The following PIBF1 variants were observed in gnomAD, a reference collection of about 807,000 sequenced individuals.
The protein encoded by PIBF1 is progesterone-induced-blocking factor 1.
A neutral mutation model predicts 112.5 loss-of-function variants in PIBF1; 90 were observed. The observed-to-expected ratio is 0.80, with a 90% confidence interval of 0.67 to 0.95. The LOEUF (loss-of-function observed/expected upper bound fraction) is 0.95. Among genes scored for constraint, PIBF1 ranks in the 40% least tolerant of loss-of-function variants. The pLI, the probability that PIBF1 is intolerant of heterozygous loss-of-function variation, is 0.00. For synonymous variants in PIBF1, 301 were observed against 288.6 expected (o/e 1.04, Z -0.44); for missense variants, 915 against 852.3 (o/e 1.07, Z -0.92).
chr13:72,919,964 ACT>A (rs907783979), intron 13 of PIBF1, among the ~76,000 whole-genome samples: 3 of 152,040 alleles, frequency 2.0e-5, no homozygotes, highest in African/African-American at 4.8e-5. Flanking sequence ...ACAGAGTAAG[ACT>A]CTGTCTCCAA....
chr13:72,788,871 C>T (rs996605088), intron 2 of PIBF1, among the ~76,000 whole-genome samples: 2 of 152,162 alleles, frequency 1.3e-5, no homozygotes, highest in Admixed American at 1.3e-4. Flanking sequence ...TGTCCCACTC[C>T]ATTGTGGCAC....
At chr13:72,846,216 C>G (rs1266321266) in intron 9 of PIBF1, among the ~76,000 whole-genome samples, 2 of 152,156 alleles carry the variant, frequency 1.3e-5, no homozygotes, top group African/African-American at 4.8e-5. Context: ...CACCTTCAGT[C>G]TTACCCAGTT....
intron 15 of PIBF1, chr13:72,970,544 G>T (rs531741625): frequency 6.6e-6 from 1 of 152,060 alleles, no homozygotes; most frequent in Admixed American, 6.6e-5. Context: ...GAATGTTTTC[G>T]TATTGCAGGT....
intron 10 of PIBF1, among the ~76,000 whole-genome samples, chr13:72,867,045 G>T (rs867843787): frequency 3.3e-5 from 5 of 152,084 alleles, no homozygotes; most frequent in African/African-American, 1.2e-4. Context: ...ATATGGTTTG[G>T]GTCTGTGTCC....
intron 6 of PIBF1, among the ~76,000 whole-genome samples, chr13:72,824,776 A>C (rs1488141050): frequency 6.6e-6 from 1 of 152,234 alleles, no homozygotes; most frequent in Non-Finnish European, 1.5e-5. Context: ...ATACCTTTAT[A>C]GTTAAACTCT....
intron 10 of PIBF1, among the ~76,000 whole-genome samples, chr13:72,883,700 C>T (rs368341527): frequency 3.9e-5 from 6 of 152,172 alleles, no homozygotes; most frequent in African/African-American, 1.2e-4. Flanking sequence ...TTTGACCAGG[C>T]TGGCCTCAAA....
At chr13:73,007,828 G>A in intron 17 of PIBF1, among the ~76,000 whole-genome samples, 1 of 143,572 alleles carries the variant, frequency 7.0e-6, no homozygotes, top group Non-Finnish European at 1.5e-5. Context: ...AAAAAAAAAT[G>A]TCAAAACCAT....
chr13:72,872,972 A>G (rs2039228939), intron 10 of PIBF1, among the ~76,000 whole-genome samples: 1 of 152,204 alleles, frequency 6.6e-6, no homozygotes, highest in African/African-American at 2.4e-5. Flanking sequence ...GTAAGATATC[A>G]TGTTCATAGA....
intron 16 of PIBF1, among the ~76,000 whole-genome samples, chr13:72,992,283 A>G (rs891945343): frequency 1.2e-4 from 18 of 152,374 alleles, no homozygotes; most frequent in African/African-American, 4.1e-4. Context: ...TTTTACAATG[A>G]ACAAATAATA....
chr13:72,999,764 T>G (rs1033573765), intron 17 of PIBF1, among the ~76,000 whole-genome samples: 3 of 152,140 alleles, frequency 2.0e-5, no homozygotes, highest in Non-Finnish European at 4.4e-5. Context: ...AAAGTTGCAG[T>G]TTAGATCAAA....
At chr13:72,857,388 A>G (rs1317391786) in intron 10 of PIBF1, among the ~76,000 whole-genome samples, 1 of 152,260 alleles carries the variant, frequency 6.6e-6, no homozygotes, top group African/African-American at 2.4e-5. Flanking sequence ...ATTCCCTACA[A>G]ATGAAAAATG....
chr13:72,914,770 C>T (rs2041023922), intron 12 of PIBF1, among the ~76,000 whole-genome samples: 3 of 152,006 alleles, frequency 2.0e-5, no homozygotes, highest in Non-Finnish European at 2.9e-5. Context: ...TGTAGAGACA[C>T]GGTCTCACTA....
chr13:72,807,272 A>T (rs997142096), intron 5 of PIBF1, among the ~76,000 whole-genome samples: 40 of 152,176 alleles, frequency 2.6e-4, no homozygotes, highest in African/African-American at 9.2e-4. Flanking sequence ...TTCATTATTT[A>T]ACATTTTAAT....
chr13:72,943,504 A>C (rs2042066466), intron 14 of PIBF1, among the ~76,000 whole-genome samples: 1 of 152,224 alleles, frequency 6.6e-6, no homozygotes, highest in South Asian at 2.1e-4. Context: ...ATTTTTTAAA[A>C]GTTCCCTATC....
intron 13 of PIBF1, among the ~76,000 whole-genome samples, chr13:72,926,166 G>T (rs1313541244): frequency 1.3e-5 from 2 of 152,116 alleles, no homozygotes; most frequent in African/African-American, 4.8e-5. Flanking sequence ...AATTGCATAT[G>T]TGGCTTGCAT....
intron 2 of PIBF1, among the ~76,000 whole-genome samples, chr13:72,784,818 A>G (rs775937249): frequency 4.2e-4 from 64 of 152,152 alleles, no homozygotes; most frequent in Non-Finnish European, 6.8e-4. Flanking sequence ...GTAGATATGG[A>G]TAAATTACTT....
intron 8 of PIBF1, among the ~76,000 whole-genome samples, chr13:72,831,724 T>C (rs543675072): frequency 6.6e-6 from 1 of 150,810 alleles, no homozygotes; most frequent in African/African-American, 2.4e-5. Context: ...TGAGGTGCTG[T>C]TGATTTGGGT....
chr13:72,814,991 C>T (rs952762701), intron 5 of PIBF1, among the ~76,000 whole-genome samples: 9 of 152,080 alleles, frequency 5.9e-5, no homozygotes, highest in Admixed American at 3.3e-4. Flanking sequence ...TAAAAGTGTA[C>T]AACTGATAAA....
intron 10 of PIBF1, among the ~76,000 whole-genome samples, chr13:72,860,281 A>C (rs918500951): frequency 7.3e-5 from 11 of 149,924 alleles, no homozygotes; most frequent in Non-Finnish European, 1.6e-4. Context: ...AGATTTCTGT[A>C]GTTCGCTTTC....
Sources: allele counts gnomAD v4.1 joint callset (sites outside exome capture counted in the v4.1 genomes callset), GRCh38; gene constraint gnomAD v4.1.1; transcripts MANE v1.5; gene names NCBI Gene and HGNC (gene_info 2026-07-23, HGNC 2026-07-21).